The following POLR3B variants were observed in gnomAD, a reference collection of about 807,000 sequenced individuals.
POLR3B encodes the protein RNA polymerase III subunit B.
In POLR3B, 96 loss-of-function variants were observed where a neutral mutation model predicts 147.4. The ratio of observed to expected loss-of-function variants is 0.65; its 90% confidence interval spans 0.55 to 0.77. The LOEUF is 0.77. Among genes scored for constraint, POLR3B ranks in the 30% least tolerant of loss-of-function variants. POLR3B has a pLI of 0.00. For synonymous variants in POLR3B, 461 were observed against 485.9 expected (o/e 0.95, Z 0.67); for missense variants, 1,036 against 1,413.5 (o/e 0.73, Z 4.28).
At chr12:106,415,225 A>G (rs771280135) in intron 12 of POLR3B, among the ~76,000 whole-genome samples, 2 of 152,370 alleles carry the variant, frequency 1.3e-5, no homozygotes, top group Admixed American at 6.5e-5. Context: ...ACACACAAAT[A>G]TGATCTTCTC....
chr12:106,495,825 A>T, intron 23 of POLR3B: 1 of 647,482 alleles, frequency 1.5e-6, no homozygotes, highest in South Asian at 1.8e-5. Flanking sequence ...ATTGTGTGCT[A>T]TGCCGGCAGC....
chr12:106,441,595 G>C (rs73186465), intron 18 of POLR3B, among the ~76,000 whole-genome samples: 9,037 of 152,144 alleles, frequency 0.059, 382 homozygotes, highest in East Asian at 0.14. Flanking sequence ...ATGTTATGTG[G>C]TGTGTGACTG....
chr12:106,470,063 T>C (rs1369692671), intron 23 of POLR3B, among the ~76,000 whole-genome samples: 1 of 152,220 alleles, frequency 6.6e-6, no homozygotes, highest in Admixed American at 6.5e-5. Flanking sequence ...TTGGTTCCAT[T>C]CTCCTCATCA....
At chr12:106,375,449 T>G (rs2136895955) in intron 6 of POLR3B, among the ~76,000 whole-genome samples, 1 of 152,324 alleles carries the variant, frequency 6.6e-6, no homozygotes, top group East Asian at 1.9e-4. Flanking sequence ...GAAGTCTGAT[T>G]AGGTGTTGAT....
At chr12:106,403,173 A>C (rs1413120430) in intron 10 of POLR3B, among the ~76,000 whole-genome samples, 1 of 152,098 alleles carries the variant, frequency 6.6e-6, no homozygotes, top group African/African-American at 2.4e-5. Flanking sequence ...ACTTCTCAAA[A>C]GAAGACATTT....
At chr12:106,428,651 T>G (rs2037467936) in intron 13 of POLR3B, among the ~76,000 whole-genome samples, 1 of 152,198 alleles carries the variant, frequency 6.6e-6, no homozygotes, top group Non-Finnish European at 1.5e-5. Context: ...TTATTTACCT[T>G]ATTTACTCTT....
intron 9 of POLR3B, among the ~76,000 whole-genome samples, chr12:106,386,320 G>A (rs1039403057): frequency 1.3e-5 from 2 of 149,310 alleles, no homozygotes; most frequent in Non-Finnish European, 3.0e-5. Context: ...TCCAGCCTGG[G>A]TGACAGAGGG....
At chr12:106,474,677 T>A (rs1197848480) in intron 23 of POLR3B, among the ~76,000 whole-genome samples, 1 of 137,228 alleles carries the variant, frequency 7.3e-6, no homozygotes, top group Non-Finnish European at 1.6e-5. Context: ...TATTCTCTGA[T>A]GGTAGTTTGT....
intron 27 of POLR3B, among the ~76,000 whole-genome samples, chr12:106,508,506 A>G (rs1354872300): frequency 6.6e-6 from 1 of 152,164 alleles, no homozygotes; most frequent in Non-Finnish European, 1.5e-5. Flanking sequence ...TGTACTGGAT[A>G]CCTACTGTCC....
At chr12:106,456,048 G>T (rs2037859790) in intron 20 of POLR3B, among the ~76,000 whole-genome samples, 2 of 152,112 alleles carry the variant, frequency 1.3e-5, no homozygotes, top group South Asian at 4.1e-4. Context: ...GTAATAAGCG[G>T]CATTTAATCC....
intron 23 of POLR3B, among the ~76,000 whole-genome samples, chr12:106,474,752 C>G (rs1380900721): frequency 2.7e-5 from 4 of 146,872 alleles, no homozygotes; most frequent in African/African-American, 7.6e-5. Flanking sequence ...TGATTCTTCT[C>G]TCTTTTTTTC....
chr12:106,402,530 T>C (rs897044950), intron 10 of POLR3B, among the ~76,000 whole-genome samples: 1 of 152,186 alleles, frequency 6.6e-6, no homozygotes, highest in African/African-American at 2.4e-5. Flanking sequence ...AGAACAAAGC[T>C]GGAGGCATCA....
At chr12:106,467,846 T>G (rs1374812335) in intron 23 of POLR3B, among the ~76,000 whole-genome samples, 1 of 152,210 alleles carries the variant, frequency 6.6e-6, no homozygotes, top group African/African-American at 2.4e-5. Flanking sequence ...GCTGCTGGAT[T>G]TGGTTTGCCA....
intron 25 of POLR3B, among the ~76,000 whole-genome samples, chr12:106,498,560 T>G (rs112253506): frequency 0.022 from 3,265 of 151,502 alleles, 137 homozygotes; most frequent in African/African-American, 0.075. Flanking sequence ...GTTTTGGGAG[T>G]TTTTTTTGTT....
intron 14 of POLR3B, among the ~76,000 whole-genome samples, 163 bp downstream of exon 14, chr12:106,430,636 A>G (rs1230619390): frequency 6.6e-6 from 1 of 152,186 alleles, no homozygotes; most frequent in African/African-American, 2.4e-5. Context: ...GGAAGACTAC[A>G]TTAGTATCAT....
chr12:106,452,140 C>G (rs2037805345), intron 19 of POLR3B, among the ~76,000 whole-genome samples: 1 of 152,122 alleles, frequency 6.6e-6, no homozygotes, highest in Admixed American at 6.5e-5. Context: ...GTTAGTCAGC[C>G]ATTCATTATT....
At chr12:106,443,834 C>CTT (rs201018510) in intron 18 of POLR3B, among the ~76,000 whole-genome samples, 1 of 134,738 alleles carries the variant, frequency 7.4e-6, no homozygotes, top group African/African-American at 2.8e-5. Context: ...AGTACCTATT[C>CTT]TTTTTTTTTG....
chr12:106,385,079 C>T (rs1481371512), intron 9 of POLR3B, among the ~76,000 whole-genome samples: 1 of 152,148 alleles, frequency 6.6e-6, no homozygotes, highest in Non-Finnish European at 1.5e-5. Context: ...CCGCCTTGGC[C>T]TCCCAAAGTG....
Position 106,363,908 on chromosome 12 carries a change from T to C in POLR3B, c.105+6T>C. 6.3e-7 allele frequency: 1 copy of C among 1,589,006 alleles called. No homozygotes were observed. The highest frequency in any genetic ancestry group is 8.6e-7 in the Non-Finnish European group (1 of 1,159,316). On this transcript the variant is annotated splice_donor_region_variant and intron_variant, in intron 2 of 27. Transcript: ENST00000228347. Reference sequence around the variant, plus strand: ...TGCTTCCAGCATTTTTAAAGGTAATTGTTTCACATTTAATAATAATTGGTT... The same window carrying C: ...TGCTTCCAGCATTTTTAAAGGTAATCGTTTCACATTTAATAATAATTGGTT...
Sources: gnomAD v4.1 joint callset for allele counts (sites outside exome capture counted in the v4.1 genomes callset) on GRCh38, gnomAD v4.1.1 for gene constraint, MANE v1.5 for transcripts, NCBI Gene and HGNC (gene_info 2026-07-23, HGNC 2026-07-21) for gene names.